The following SSUH2 variants were observed in gnomAD, a reference collection of about 807,000 sequenced individuals.
The protein encoded by SSUH2 is protein SSUH2 homolog.
SSUH2 carries 47 observed loss-of-function variants against 55.3 expected under a neutral mutation model. The observed-to-expected ratio is 0.85, with a 90% CI of 0.67 to 1.08. SSUH2 has a LOEUF of 1.08. Ranked by LOEUF, SSUH2 falls within the 50% of genes least tolerant of loss-of-function variation. The pLI, the probability that SSUH2 is intolerant of heterozygous loss-of-function variation, is 0.00. For synonymous variants in SSUH2, 212 were observed against 191.5 expected (o/e 1.11, Z -0.89); for missense variants, 535 against 490.7 (o/e 1.09, Z -0.85).
chr3:8,631,984 A>G, intron 5 of SSUH2, 65 bp downstream of exon 5: 1 of 1,348,228 alleles, frequency 7.4e-7, no homozygotes, highest in East Asian at 2.3e-5. Context: ...CCAAGTCCTG[A>G]TATTTTCCAC....
At chr3:8,628,090 C>T (rs79916853) in intron 7 of SSUH2, among the ~76,000 whole-genome samples, 2,806 of 152,238 alleles carry the variant, frequency 0.018, 80 homozygotes, top group African/African-American at 0.064. Context: ...GGGACACAGG[C>T]GCTGGTCAGG....
rs545196684 is a variant in SSUH2, at chr3:8,627,674, G to A, written c.674+24C>T. 72 of 1,423,598 alleles carry A rather than the reference G, an allele frequency of 5.1e-5. No individual in the cohort carries two copies. The South Asian group carries it at 7.3e-4, about 14-fold the overall frequency. The allele number at this position is 1,423,598 out of a possible 1,614,324, so 88.2% of individuals were successfully genotyped here. A position where few individuals can be genotyped will look rare whatever the true frequency, so the allele number is the denominator to read the frequency against. On this transcript the variant is annotated intron_variant, in intron 8 of 11. Transcript: ENST00000544814. ...AGCCAGAAAGCAAGAGCACTTCACC[G>A]CGGTGCTGGGGAGATGCCCCTACCT...
upstream of SSUH2, among the ~76,000 whole-genome samples, chr3:8,647,902 T>C (rs1279636101): frequency 5.3e-5 from 8 of 152,128 alleles, no homozygotes. Context: ...AGGAATCAAG[T>C]ATGGAGTGGA....
At chr3:8,666,403 C>G (rs78488673) in intron 5 of SSUH2, among the ~76,000 whole-genome samples, 4,314 of 152,164 alleles carry the variant, frequency 0.028, 218 homozygotes, top group African/African-American at 0.098. Context: ...GTATCTTAGG[C>G]TGGGCTCCTG....
intron 1 of SSUH2, among the ~76,000 whole-genome samples, chr3:8,680,843 T>C (rs1235727581): frequency 6.6e-6 from 1 of 152,014 alleles, no homozygotes; most frequent in Non-Finnish European, 1.5e-5. Context: ...CGTTCTCTAT[T>C]ATGGGGAGCC....
rs1052504405 is a variant in SSUH2, at chr3:8,623,327, C to T, written c.981+222G>A. ...GCAATCGCTTCTGGGAATAAAAATG[C>T]AAACTTCTCCTGCGACCCACGGTCC... On this transcript the variant is annotated intron_variant, in intron 11 of 11. Coordinates refer to ENST00000544814, the MANE Select transcript of SSUH2 (RefSeq NM_001256748.3). 10 of 521,278 alleles carry T rather than the reference C, an allele frequency of 1.9e-5. No individual in the cohort carries two copies. The Admixed American group carries it at 3.0e-4, about 16-fold the overall frequency. The allele number at this position is 521,278 out of a possible 1,614,324, so 32.3% of individuals were successfully genotyped here.
intron 1 of SSUH2, among the ~76,000 whole-genome samples, chr3:8,680,759 T>A (rs428712): frequency 1.4e-4 from 21 of 151,854 alleles, no homozygotes; most frequent in East Asian, 5.8e-4. Flanking sequence ...GTATACTTAC[T>A]GCGATATTTG....
rs750734268 is a variant in SSUH2, at chr3:8,627,713, C to A, written c.659G>T (p.Gly220Val). ...ATGCCCCTACCTTCGCCTGCCGGAC[C>A]CCGCGCACAGCTGACATCTCCGGGA... ...KQSRRCQLCA[G>V]SGRRRCSTCS... The change falls in exon 8 of 12, where the codon GGG (glycine) becomes GTG (valine). Residue 220 changes from glycine to valine, a missense_variant. Gly to Val is a moderately radical substitution (Grantham distance 109). Transcript: ENST00000544814. 6.2e-7 allele frequency: 1 copy of A among 1,605,196 alleles called. No individual in the cohort carries two copies. The highest frequency in any genetic ancestry group is 1.1e-5 in the South Asian group (1 of 90,152).
intron 7 of SSUH2, among the ~76,000 whole-genome samples, chr3:8,654,581 T>A (rs1361173485): frequency 6.6e-6 from 1 of 152,194 alleles, no homozygotes; most frequent in Non-Finnish European, 1.5e-5. Context: ...ATAGGGTAAA[T>A]TAGTAGGAAT....
At chr3:8,674,630 T>G (rs1020921540) in intron 3 of SSUH2, among the ~76,000 whole-genome samples, 4 of 152,084 alleles carry the variant, frequency 2.6e-5, no homozygotes, top group Non-Finnish European at 2.9e-5. Context: ...TAGGAGGACA[T>G]CAAGTCATTC....
intron 11 of SSUH2, among the ~76,000 whole-genome samples, chr3:8,622,137 T>C (rs1292936774): frequency 6.6e-6 from 1 of 152,196 alleles, no homozygotes; most frequent in Non-Finnish European, 1.5e-5. Context: ...TAGCCAGCTA[T>C]GTCCTCATGG....
At position 8,674,406 on chromosome 3, in the gene SSUH2, T is replaced by C. The variant is rs939761794; in HGVS notation, c.-752-2371A>G. Among the ~76,000 whole-genome samples the C allele has an allele frequency of 2.6e-5, 4 of 152,316 alleles. No individual in the cohort carries two copies. In the East Asian group the frequency reaches 5.8e-4, roughly 22 times the overall value. ...CCGGCTCAACCTGGCAGAAGGGTTA[T>C]TGGACTGAGGGGAGACCGGGCTCAA... On this transcript the variant is annotated intron_variant, in intron 3 of 18. Coordinates refer to the SSUH2 transcript ENST00000317371.
At chr3:8,649,452 G>A (rs1012300639), upstream of SSUH2, among the ~76,000 whole-genome samples, 4 of 152,006 alleles carry the variant, frequency 2.6e-5, no homozygotes, top group African/African-American at 7.2e-5. Context: ...CAGTGTTATG[G>A]TCGTCCACGC....
chr3:8,655,916 C>CT lies in SSUH2; in HGVS notation c.-307+3008dup, dbSNP rs945913694. Among the ~76,000 whole-genome samples, 39 of 151,838 alleles carry CT rather than the reference C, an allele frequency of 2.6e-4. No individual in the cohort carries two copies. The Middle Eastern group carries it at 0.01, about 40-fold the overall frequency. ...CTGGGGAATGTTTCAGATATCTCCA[C>CT]TTTTTTTTTCTTCTCCTCCTACCAC... On this transcript the variant is annotated intron_variant, in intron 7 of 18. Coordinates refer to the SSUH2 transcript ENST00000317371.
intron 1 of SSUH2, 134 bp from the exon 2 acceptor site, chr3:8,635,991 T>C: frequency 1.5e-6 from 1 of 688,222 alleles, no homozygotes; most frequent in Non-Finnish European, 2.4e-6. Context: ...TCTGGCATCC[T>C]TAGGACACAG....
chr3:8,680,190 G>A (rs1705855864), intron 1 of SSUH2, among the ~76,000 whole-genome samples: 1 of 152,194 alleles, frequency 6.6e-6, no homozygotes, highest in Non-Finnish European at 1.5e-5. Flanking sequence ...GGTTTCTAAA[G>A]GATGGCCCCC....
chr3:8,636,172 C>A (rs1201368700), intron 1 of SSUH2, among the ~76,000 whole-genome samples: 3 of 152,166 alleles, frequency 2.0e-5, no homozygotes, highest in African/African-American at 7.2e-5. Context: ...TTGATGCTTT[C>A]CTTTCATGGA....
chr3:8,674,926 A>T (rs190066209), intron 3 of SSUH2, among the ~76,000 whole-genome samples: 87 of 152,260 alleles, frequency 5.7e-4, no homozygotes, highest in African/African-American at 1.6e-3. Context: ...CCAGCCGGTT[A>T]GGCAAAAACA....
chr3:8,635,773 A>G lies in SSUH2; in HGVS notation c.113T>C (p.Leu38Pro). The change falls in exon 2 of 12, where the codon CTT becomes CCT. Residue 38 changes from leucine (L) to proline (P), a missense_variant. Coordinates refer to ENST00000544814, the MANE Select transcript of SSUH2 (RefSeq NM_001256748.3). Reference sequence around the variant, plus strand: ...TTGGAACTTACTGCCCCCTTGAAGAAGCCAGTCATAGCTGGGCAGTCTCTC... The same window carrying G: ...TTGGAACTTACTGCCCCCTTGAAGAGGCCAGTCATAGCTGGGCAGTCTCTC... ...LLERLPSYDWLLQGGRGQIFF... is the reference protein window; with the variant it reads ...LLERLPSYDWPLQGGRGQIFF... 1 of 1,535,768 alleles carries G rather than the reference A, an allele frequency of 6.5e-7. No homozygotes were observed. The highest frequency in any genetic ancestry group is 8.7e-7 in the Non-Finnish European group (1 of 1,146,744).
Sources: gnomAD v4.1 joint callset for allele counts (sites outside exome capture counted in the v4.1 genomes callset) on GRCh38, gnomAD v4.1.1 for gene constraint, MANE v1.5 for transcripts, NCBI Gene and HGNC (gene_info 2026-07-23, HGNC 2026-07-21) for gene names.